The following SLC47A2 variants were observed in gnomAD, a reference collection of about 807,000 sequenced individuals.
SLC47A2 encodes the protein solute carrier family 47 member 2.
Under a neutral mutation model 67.7 loss-of-function variants are expected in SLC47A2, and 52 were observed. The ratio of observed to expected loss-of-function variants is 0.77; its 90% confidence interval spans 0.61 to 0.97. The LOEUF is 0.97. Among genes scored for constraint, SLC47A2 ranks in the 50% least tolerant of loss-of-function variants. The probability of loss-of-function intolerance (pLI) is 0.00; values close to 1 mark genes in which losing one functional copy is unlikely to be tolerated. For synonymous variants in SLC47A2, 278 were observed against 292.9 expected (o/e 0.95, Z 0.52); for missense variants, 676 against 712.3 (o/e 0.95, Z 0.58).
At position 19,679,976 on chromosome 17, in the gene SLC47A2, G is replaced by A. The variant is rs371942549; in HGVS notation, c.1456C>T (p.Pro486Ser). The A allele has an allele frequency of 3.5e-5, 56 of 1,613,918 alleles. No individual in the cohort carries two copies. In the African/African-American group the frequency reaches 4.4e-4, roughly 13 times the overall value. ...RAESTATRPG[P>S]EKAVLSSVAT... is the part of the protein sequence containing the mutation. The stretch of plus-strand genomic sequence containing the variant: ...CCTGAAGATAGGACTGCTTTCTCAG[G>A]CCCAGGTCTGGTTGCAGTGCTCTCT... The change falls in exon 16 of 17, where the codon CCT becomes TCT. Residue 486 changes from proline to serine, a missense_variant. Pro to Ser is a moderately conservative substitution (Grantham distance 74). Coordinates refer to ENST00000433844, the MANE Select transcript of SLC47A2 (RefSeq NM_001099646.3).
intron 13 of SLC47A2, among the ~76,000 whole-genome samples, chr17:19,688,896 C>T (rs961379008): frequency 1.4e-4 from 21 of 149,498 alleles, no homozygotes; most frequent in East Asian, 3.9e-4. Flanking sequence ...GAGAGGGTCT[C>T]GCTGTGTCAT....
Position 19,714,732 on chromosome 17 carries a change from A to G in SLC47A2, c.283T>C (p.Leu95=). 6.2e-7 allele frequency: 1 copy of G among 1,614,098 alleles called. No individual in the cohort carries two copies. Among genetic ancestry groups the G allele is most frequent in the East Asian group, 2.2e-5 (1 of 44,878 alleles). ...AGGAGGCCACCCACCTGAGACATCA[A>G]GGTGTCACATGCCGAAGACAAACCA... The part of the protein sequence containing the change: ...GVGLSSACDT[L]MSQSFGSPNK... The change falls in exon 3 of 17, where the codon TTG becomes CTG. Residue 95 remains leucine, a synonymous_variant. Transcript: ENST00000433844.
At chr17:19,683,392 T>C (rs1344720197) in intron 13 of SLC47A2, among the ~76,000 whole-genome samples, 2 of 152,170 alleles carry the variant, frequency 1.3e-5, no homozygotes, top group Admixed American at 1.3e-4. Context: ...ATTTAGAGTA[T>C]TGTGAATTAA....
chr17:19,713,737 G>A lies in SLC47A2; in HGVS notation c.443+88C>T, dbSNP rs1397069590. On this transcript the variant is annotated intron_variant, in intron 4 of 16. Transcript: ENST00000433844. The stretch of plus-strand genomic sequence containing the variant: ...AGCACTCGTGGCCTAGAGAAGCATG[G>A]GGTGTGAGGGCTGGGCATCTTCAGG... 3 of 1,526,440 alleles carry A rather than the reference G, an allele frequency of 2.0e-6. No individual in the cohort carries two copies. The African/African-American group carries it at 4.1e-5, about 21-fold the overall frequency. The allele number at this position is 1,526,440 out of a possible 1,614,324, so 94.6% of individuals were successfully genotyped here.
upstream of SLC47A2, chr17:19,718,391 G>C (rs2086305663): frequency 6.6e-6 from 1 of 152,456 alleles, no homozygotes; most frequent in Non-Finnish European, 1.5e-5. Context: ...AATGAGGACA[G>C]CTGGTTCCCG....
chr17:19,678,808 A>G lies in SLC47A2; in HGVS notation c.1579T>C (p.Ser527Pro). 6.2e-7 allele frequency: 1 copy of G among 1,614,182 alleles called. No individual in the cohort carries two copies. The highest frequency in any genetic ancestry group is 8.5e-7 in the Non-Finnish European group (1 of 1,180,024). The stretch of plus-strand genomic sequence containing the variant: ...ACTGATAGTCTGCTGGTAGGAGCTG[A>G]AAGGGCGTGGGCCTCCTCTGGAGTC... Reference protein sequence around the residue: ...FRTPEEAHALSAPTSRLSVKQ... With the variant: ...FRTPEEAHALPAPTSRLSVKQ... Residue 527 changes from serine (S) to proline (P), a missense_variant, in exon 17 of 17, where the codon TCA becomes CCA. Coordinates refer to ENST00000433844, the MANE Select transcript of SLC47A2 (RefSeq NM_001099646.3).
chr17:19,695,987 G>A (rs1005580204), intron 13 of SLC47A2, among the ~76,000 whole-genome samples: 2 of 151,716 alleles, frequency 1.3e-5, no homozygotes, highest in African/African-American at 4.8e-5. Flanking sequence ...GCCTCCCTAA[G>A]TGCTGCGATT....
intron 1 of SLC47A2, 68 bp from the exon 2 acceptor site, chr17:19,715,285 G>A: frequency 1.4e-6 from 2 of 1,436,754 alleles, no homozygotes; most frequent in South Asian, 2.3e-5. Context: ...TGCAAGACAG[G>A]CCTCTCCAGC....
chr17:19,712,745 C>A lies in SLC47A2; in HGVS notation c.444G>T (p.Arg148Ser). The A allele has an allele frequency of 6.2e-7, 1 of 1,612,788 alleles. No individual in the cohort carries two copies. The highest frequency in any genetic ancestry group is 8.5e-7 in the Non-Finnish European group (1 of 1,179,622). Residue 148 changes from arginine to serine, a missense_variant and splice_region_variant, in exon 5 of 17, where the codon AGG (arginine) becomes AGT (serine). Arg to Ser is a moderately radical substitution (Grantham distance 110). Transcript: ENST00000433844. ...AAATCATTACATAGTCCTGGGTCAA[C>A]CTGCAAGAGAGGGAGAAGCTCCGGA... ...LLFRQDPDVS[R>S]LTQDYVMIFI...
At chr17:19,694,472 G>T (rs1292388267) in intron 13 of SLC47A2, among the ~76,000 whole-genome samples, 1 of 152,136 alleles carries the variant, frequency 6.6e-6, no homozygotes, top group Non-Finnish European at 1.5e-5. Context: ...CTACATTTAT[G>T]GTCAGTTGAT....
intron 5 of SLC47A2, among the ~76,000 whole-genome samples, chr17:19,711,450 G>T (rs2086092230): frequency 6.6e-6 from 1 of 151,442 alleles, no homozygotes; most frequent in Non-Finnish European, 1.5e-5. Context: ...AAATTAGCTG[G>T]GCATGATGGT....
Position 19,716,578 on chromosome 17 carries a change from C to A in SLC47A2, c.-23G>T. 6.4e-7 allele frequency: 1 copy of A among 1,572,790 alleles called. No individual in the cohort carries two copies. Among genetic ancestry groups the A allele is most frequent in the South Asian group, 1.2e-5 (1 of 84,258 alleles). The stretch of plus-strand genomic sequence containing the variant: ...CATTCCTGGCCGGGGCACTGGCTAC[C>A]CTGCACGCCTGAGCGCCTGCACGGC... On this transcript the variant is annotated 5_prime_UTR_variant, in exon 1 of 17. Coordinates refer to ENST00000433844, the MANE Select transcript of SLC47A2 (RefSeq NM_001099646.3).
At chr17:19,690,345 C>T (rs1567619173) in intron 13 of SLC47A2, among the ~76,000 whole-genome samples, 1 of 152,102 alleles carries the variant, frequency 6.6e-6, no homozygotes, top group Non-Finnish European at 1.5e-5. Context: ...GGAAAACTCT[C>T]CAGGAAATTG....
rs370169448 is a variant in SLC47A2, at chr17:19,704,676, C to G, written c.910-498G>C. 63 of 1,549,582 alleles carry G rather than the reference C, an allele frequency of 4.1e-5. No homozygotes were observed. In the East Asian group the frequency reaches 1.1e-3, roughly 26 times the overall value. On this transcript the variant is annotated intron_variant, in intron 10 of 16. Coordinates refer to ENST00000433844, the MANE Select transcript of SLC47A2 (RefSeq NM_001099646.3). ...ACCCGAGTGACATGGGCTGCATAAG[C>G]AAGACGATGGCTGTGTCTCTGTGGG... is the stretch of plus-strand genomic sequence containing the variant.
Position 19,715,128 on chromosome 17 carries a change from G to T in SLC47A2, c.213C>A (p.Thr71=), listed in dbSNP as rs1447327339. The T allele has an allele frequency of 1.2e-6, 2 of 1,612,078 alleles. No homozygotes were observed. Among genetic ancestry groups the T allele is most frequent in the African/African-American group, 1.3e-5 (1 of 74,934 alleles). Residue 71 remains threonine (T), a synonymous_variant, in exon 2 of 17, where the codon ACC becomes ACA. Coordinates refer to ENST00000433844, the MANE Select transcript of SLC47A2 (RefSeq NM_001099646.3). Reference sequence around the variant, plus strand: ...GCTGGGTACTCACGGCCACCGCGAGGGTCACCGATGCCAGCTCCACCTTGC... The same window carrying T: ...GCTGGGTACTCACGGCCACCGCGAGTGTCACCGATGCCAGCTCCACCTTGC... ...HLGKVELASV[T]LAVAFVNVCG... is the part of the protein sequence containing the mutation.
chr17:19,708,956 G>C (rs2086023044), intron 5 of SLC47A2, among the ~76,000 whole-genome samples, 196 bp from the exon 6 acceptor site: 1 of 152,242 alleles, frequency 6.6e-6, no homozygotes, highest in African/African-American at 2.4e-5. Context: ...GCCTATGGAA[G>C]AGGCCCCCTC....
chr17:19,679,040 G>A, intron 16 of SLC47A2, 134 bp from the exon 17 acceptor site: 1 of 671,056 alleles, frequency 1.5e-6, no homozygotes, highest in Non-Finnish European at 2.6e-6. Context: ...CTATACAGTA[G>A]AAAAATAACT....
intron 13 of SLC47A2, among the ~76,000 whole-genome samples, chr17:19,697,930 G>T (rs1430512056): frequency 4.6e-5 from 7 of 151,964 alleles, no homozygotes; most frequent in African/African-American, 1.4e-4. Flanking sequence ...GACTAAAATA[G>T]AAATTTCACT....
Position 19,704,066 on chromosome 17 carries a change from C to A in SLC47A2, c.1018+4G>T. Reference sequence around the variant, plus strand: ...AAGGCCCACCAGGAGAGGACTCCACCTACCTATGCTGAGCACGCCCGAGAC... The same window carrying A: ...AAGGCCCACCAGGAGAGGACTCCACATACCTATGCTGAGCACGCCCGAGAC... On this transcript the variant is annotated splice_donor_region_variant and intron_variant, in intron 11 of 16. Transcript: ENST00000433844. The A allele has an allele frequency of 6.2e-7, 1 of 1,602,214 alleles. No homozygotes were observed. Among genetic ancestry groups the A allele is most frequent in the Non-Finnish European group, 8.5e-7 (1 of 1,176,362 alleles).
Sources: gnomAD v4.1 joint callset for allele counts (sites outside exome capture counted in the v4.1 genomes callset) on GRCh38, gnomAD v4.1.1 for gene constraint, MANE v1.5 for transcripts, NCBI Gene and HGNC (gene_info 2026-07-23, HGNC 2026-07-21) for gene names.